Variants in MAP3K20 observed in about 807,000 individuals in gnomAD.
MAP3K20 encodes HCCS-4.
In MAP3K20, 40 loss-of-function variants were observed where a neutral mutation model predicts 85.7. That is an observed-to-expected ratio of 0.47 (90% confidence interval 0.36 to 0.61). The LOEUF (loss-of-function observed/expected upper bound fraction) is 0.61, where lower values mean the gene tolerates loss of function less well. MAP3K20 is among the 20% of genes least tolerant of loss of function. The pLI is 0.00. For missense variants in MAP3K20, 817 were observed against 961.7 expected, an observed-to-expected ratio of 0.85 and a Z score of 1.99; for synonymous variants, 325 against 327.7, an observed-to-expected ratio of 0.99 and a Z score of 0.09.
chr2:173,254,874 C>G (rs1019690485), intron 16 of MAP3K20, among the ~76,000 whole-genome samples: 6 of 152,346 alleles, frequency 3.9e-5, no homozygotes, highest in Non-Finnish European at 8.8e-5. Flanking sequence ...TGCCCTGAAG[C>G]TACCTGGAGT....
At chr2:173,156,575 C>G (rs1217383291) in intron 2 of MAP3K20, among the ~76,000 whole-genome samples, 2 of 152,158 alleles carry the variant, frequency 1.3e-5, no homozygotes, top group Non-Finnish European at 1.5e-5. Flanking sequence ...GCATTAGATT[C>G]TCATAAAGAC....
At chr2:173,108,919 A>G (rs1340870415) in intron 2 of MAP3K20, among the ~76,000 whole-genome samples, 2 of 152,244 alleles carry the variant, frequency 1.3e-5, no homozygotes, top group Non-Finnish European at 2.9e-5. Flanking sequence ...GGACAGAGAC[A>G]GTAAAAAATC....
At chr2:173,101,502 T>G (rs988150645) in intron 2 of MAP3K20, among the ~76,000 whole-genome samples, 1 of 152,218 alleles carries the variant, frequency 6.6e-6, no homozygotes, top group African/African-American at 2.4e-5. Flanking sequence ...GGAAATATTA[T>G]GCTGAAGTAA....
At chr2:173,152,371 T>C (rs1477897014) in intron 2 of MAP3K20, among the ~76,000 whole-genome samples, 1 of 152,218 alleles carries the variant, frequency 6.6e-6, no homozygotes, top group Non-Finnish European at 1.5e-5. Context: ...GATTATAGGC[T>C]GTTACATGGG....
At chr2:173,214,139 A>G (rs775298902) in intron 10 of MAP3K20, 2 of 152,256 alleles carry the variant, frequency 1.3e-5, no homozygotes, top group Admixed American at 6.5e-5. Context: ...TTATTCTGAA[A>G]TTCTTTTTAA....
intron 2 of MAP3K20, among the ~76,000 whole-genome samples, chr2:173,160,726 T>G (rs1013841776): frequency 6.6e-6 from 1 of 152,200 alleles, no homozygotes; most frequent in Non-Finnish European, 1.5e-5. Context: ...GCGTTCACAT[T>G]CTGCTGCCAA....
intron 2 of MAP3K20, among the ~76,000 whole-genome samples, chr2:173,138,868 G>A (rs1293902309): frequency 1.3e-5 from 2 of 152,166 alleles, no homozygotes; most frequent in East Asian, 3.8e-4. Flanking sequence ...ATCAGCTAGG[G>A]CCATAGTACC....
intron 1 of MAP3K20, 165 bp from the exon 2 acceptor site, chr2:173,090,833 G>A: frequency 7.8e-7 from 1 of 1,283,176 alleles, no homozygotes; most frequent in South Asian, 2.3e-5. Flanking sequence ...CTGCCAGGGT[G>A]AGTGTTTTCG....
At chr2:173,125,462 C>T (rs1245592988) in intron 2 of MAP3K20, among the ~76,000 whole-genome samples, 1 of 151,862 alleles carries the variant, frequency 6.6e-6, no homozygotes, top group African/African-American at 2.4e-5. Flanking sequence ...GCTTAGCAGT[C>T]TCCACCTCAC....
At chr2:173,119,172 C>T (rs1305320924) in intron 2 of MAP3K20, among the ~76,000 whole-genome samples, 1 of 152,248 alleles carries the variant, frequency 6.6e-6, no homozygotes, top group African/African-American at 2.4e-5. Context: ...GGGCCCCACT[C>T]AGGCTGGAAA....
intron 8 of MAP3K20, among the ~76,000 whole-genome samples, chr2:173,201,581 A>G (rs1280544847): frequency 6.6e-6 from 1 of 152,202 alleles, no homozygotes; most frequent in African/African-American, 2.4e-5. Flanking sequence ...AATGGTGCAA[A>G]AATGAATATG....
chr2:173,119,742 T>C (rs914798955), intron 2 of MAP3K20, among the ~76,000 whole-genome samples: 1 of 152,200 alleles, frequency 6.6e-6, no homozygotes, highest in Non-Finnish European at 1.5e-5. Flanking sequence ...TTTTTTCACC[T>C]ATGATGAAGG....
intron 2 of MAP3K20, among the ~76,000 whole-genome samples, chr2:173,103,614 T>C (rs1002948135): frequency 1.3e-5 from 2 of 152,230 alleles, no homozygotes; most frequent in Admixed American, 6.5e-5. Context: ...AAAATTAACA[T>C]TTCTTTAGTT....
chr2:173,078,252 C>G (rs1686920664), intron 1 of MAP3K20, among the ~76,000 whole-genome samples: 1 of 152,048 alleles, frequency 6.6e-6, no homozygotes, highest in African/African-American at 2.4e-5. Flanking sequence ...TATAATACTT[C>G]TTGGAATAAG....
At chr2:173,114,880 A>G (rs186114970) in intron 2 of MAP3K20, among the ~76,000 whole-genome samples, 220 of 152,302 alleles carry the variant, frequency 1.4e-3, no homozygotes, top group African/African-American at 5.1e-3. Flanking sequence ...ATGACAGAGC[A>G]CCTAGGCGAA....
intron 2 of MAP3K20, among the ~76,000 whole-genome samples, chr2:173,158,043 T>C (rs948383732): frequency 6.6e-6 from 1 of 152,220 alleles, no homozygotes; most frequent in Non-Finnish European, 1.5e-5. Context: ...ATCATACTAC[T>C]TGTACTAAAA....
intron 2 of MAP3K20, among the ~76,000 whole-genome samples, chr2:173,099,627 A>G (rs552641169): frequency 2.6e-5 from 4 of 152,200 alleles, no homozygotes; most frequent in African/African-American, 7.2e-5. Context: ...CTGTCTGGGC[A>G]GATCCTACCC....
At chr2:173,134,421 TATATA>T (rs1193305159) in intron 2 of MAP3K20, among the ~76,000 whole-genome samples, 6 of 23,968 alleles carry the variant, frequency 2.5e-4, no homozygotes, top group African/African-American at 6.5e-4. Flanking sequence ...TATATATATA[TATATA>T]TATTTTTTTT....
chr2:173,100,989 G>T (rs1687622637), intron 2 of MAP3K20, among the ~76,000 whole-genome samples: 1 of 152,120 alleles, frequency 6.6e-6, no homozygotes, highest in Admixed American at 6.6e-5. Context: ...CTATAAAGGT[G>T]TTAGAGGAAA....
Sources: allele counts gnomAD v4.1 joint callset (sites outside exome capture counted in the v4.1 genomes callset), GRCh38; gene constraint gnomAD v4.1.1; transcripts MANE v1.5; gene names NCBI Gene and HGNC (gene_info 2026-07-23, HGNC 2026-07-21).